Variants in EXOC4 observed in about 807,000 individuals in gnomAD.
EXOC4 encodes the protein exocyst complex component 4, also known as SEC8-like 1.
EXOC4 carries 71 observed loss-of-function variants against 107.2 expected under a neutral mutation model. The observed-to-expected ratio is 0.66, with a 90% confidence interval of 0.55 to 0.81. The LOEUF (loss-of-function observed/expected upper bound fraction) is 0.81. EXOC4 is among the 30% of genes least tolerant of loss of function. EXOC4 has a pLI of 0.00. For missense variants in EXOC4, 1,108 were observed against 1,189.6 expected (o/e 0.93, Z 1.01); for synonymous variants, 456 against 441.2 (o/e 1.03, Z -0.42).
rs1466128962 is a variant in EXOC4, at chr7:133,306,019, C to G, written c.614C>G (p.Thr205Ser). Reference protein sequence around the residue: ...ELHRHLYIKSTSRVVQRNKEK... With the variant: ...ELHRHLYIKSSSRVVQRNKEK... ...CACCGGCACCTGTACATCAAATCGA[C>G]TAGCCGAGTTGTGCAGCGTAACAAG... The change falls in exon 4 of 18, where the codon ACT becomes AGT. Residue 205 changes from threonine (T) to serine (S), a missense_variant. Transcript: ENST00000253861. The G allele has an allele frequency of 8.7e-6, 14 of 1,613,492 alleles. No individual in the cohort carries two copies. The East Asian group carries it at 3.1e-4, about 36-fold the overall frequency.
intron 13 of EXOC4, among the ~76,000 whole-genome samples, chr7:133,923,268 A>C (rs1189172308): frequency 3.3e-5 from 5 of 151,744 alleles, no homozygotes; most frequent in Non-Finnish European, 7.4e-5. Context: ...AGCTGGGATT[A>C]CAGGCACCCA....
intron 9 of EXOC4, among the ~76,000 whole-genome samples, chr7:133,547,698 T>C (rs1800509551): frequency 6.6e-6 from 1 of 152,218 alleles, no homozygotes; most frequent in African/African-American, 2.4e-5. Context: ...TTTCTTTGCT[T>C]GACTATAAAA....
At chr7:133,259,705 T>TG (rs1795099344) in intron 1 of EXOC4, among the ~76,000 whole-genome samples, 3 of 152,246 alleles carry the variant, frequency 2.0e-5, no homozygotes, top group Admixed American at 2.0e-4. Context: ...TTTATCCTCC[T>TG]AAAGTTATTA....
At chr7:133,655,028 G>A (rs908063831) in intron 10 of EXOC4, among the ~76,000 whole-genome samples, 1 of 152,146 alleles carries the variant, frequency 6.6e-6, no homozygotes, top group African/African-American at 2.4e-5. Flanking sequence ...GTGAGTCAGT[G>A]AGTGGTACGT....
intron 7 of EXOC4, among the ~76,000 whole-genome samples, chr7:133,382,126 A>G (rs1563044236): frequency 6.6e-6 from 1 of 152,162 alleles, no homozygotes; most frequent in East Asian, 1.9e-4. Context: ...GGTAGAGACT[A>G]AGACAGGCAA....
chr7:133,601,129 A>G (rs893555211), intron 9 of EXOC4, among the ~76,000 whole-genome samples: 4 of 152,004 alleles, frequency 2.6e-5, no homozygotes, highest in Admixed American at 6.6e-5. Flanking sequence ...GTTGTTTGGC[A>G]TATTCTTTTC....
Position 133,829,069 on chromosome 7 carries a change from G to A in EXOC4, c.1734+11525G>A, listed in dbSNP as rs76677452. Among the ~76,000 whole-genome samples the A allele has an allele frequency of 8.4e-3, 1,277 of 152,294 alleles. 16 individuals are homozygous for A. The highest frequency in any genetic ancestry group is 0.029 in the African/African-American group (1,222 of 41,548). On this transcript the variant is annotated intron_variant, in intron 11 of 17. Coordinates refer to ENST00000253861, the MANE Select transcript of EXOC4 (RefSeq NM_021807.4). ...AGTGGGCCCTGAGTCACTGTAGGAT[G>A]TGTAGAAACGAAGAAGGCAGAGGAG...
chr7:133,831,647 A>G (rs1187784526), intron 11 of EXOC4, among the ~76,000 whole-genome samples: 1 of 151,652 alleles, frequency 6.6e-6, no homozygotes, highest in Non-Finnish European at 1.5e-5. Flanking sequence ...CCAGCCCTAG[A>G]ATCAGCCATT....
intron 10 of EXOC4, among the ~76,000 whole-genome samples, chr7:133,782,274 G>A (rs566447197): frequency 1.3e-5 from 2 of 152,316 alleles, no homozygotes; most frequent in African/African-American, 4.8e-5. Flanking sequence ...AGGGCATGCA[G>A]TCATTCAGGG....
chr7:133,538,565 C>T (rs1800317543), intron 9 of EXOC4, among the ~76,000 whole-genome samples: 1 of 152,016 alleles, frequency 6.6e-6, no homozygotes, highest in Non-Finnish European at 1.5e-5. Flanking sequence ...CCTGTAATCT[C>T]AGTACTATGG....
intron 9 of EXOC4, among the ~76,000 whole-genome samples, chr7:133,537,007 A>G (rs560605194): frequency 6.6e-6 from 1 of 152,328 alleles, no homozygotes; most frequent in South Asian, 2.1e-4. Flanking sequence ...TCCTGTTTCA[A>G]TTATCTACAT....
chr7:133,773,323 G>A (rs1355786948), intron 10 of EXOC4, among the ~76,000 whole-genome samples: 1 of 151,954 alleles, frequency 6.6e-6, no homozygotes, highest in East Asian at 1.9e-4. Context: ...GCCAGAGGAA[G>A]AATTACCTGG....
At position 133,312,034 on chromosome 7, in the gene EXOC4, G is replaced by A. The variant is rs2150575169; in HGVS notation, c.657-5250G>A. 1.3e-5 allele frequency among the ~76,000 whole-genome samples: 2 copies of A among 152,228 alleles called. 1 individual carries two copies. The highest frequency in any genetic ancestry group is 4.1e-4 in the South Asian group (2 of 4,828). On this transcript the variant is annotated intron_variant, in intron 4 of 17. Coordinates refer to ENST00000253861, the MANE Select transcript of EXOC4 (RefSeq NM_021807.4). ...TGGAAAATAAATTTGCATATTCTTT[G>A]TCCAGAGAATTTTGTTTCTAGGTCT...
intron 11 of EXOC4, among the ~76,000 whole-genome samples, chr7:133,867,248 A>G (rs1382212417): frequency 6.6e-6 from 1 of 152,206 alleles, no homozygotes; most frequent in African/African-American, 2.4e-5. Flanking sequence ...TCTTTTGCAA[A>G]ATGGCAGTAA....
At chr7:133,471,243 C>T (rs1349940661) in intron 7 of EXOC4, among the ~76,000 whole-genome samples, 1 of 152,042 alleles carries the variant, frequency 6.6e-6, no homozygotes, top group African/African-American at 2.4e-5. Context: ...GAAACCCAGT[C>T]TCTACTACAA....
chr7:134,021,361 G>A (rs1421968431), intron 17 of EXOC4, among the ~76,000 whole-genome samples: 1 of 152,172 alleles, frequency 6.6e-6, no homozygotes, highest in African/African-American at 2.4e-5. Context: ...CACACGTACA[G>A]GAGAGTAAAA....
At chr7:133,823,861 A>AAAT (rs1216518106) in intron 11 of EXOC4, among the ~76,000 whole-genome samples, 1 of 17,344 alleles carries the variant, frequency 5.8e-5, no homozygotes, top group African/African-American at 6.2e-4. Flanking sequence ...ATATATATAT[A>AAAT]TATATATATA....
At chr7:133,767,670 G>GAA (rs1207444770) in intron 10 of EXOC4, among the ~76,000 whole-genome samples, 5 of 151,982 alleles carry the variant, frequency 3.3e-5, no homozygotes, top group African/African-American at 1.2e-4. Flanking sequence ...GTGAAACAGA[G>GAA]AAAGGGGTAA....
chr7:133,902,795 C>T (rs369034436), intron 12 of EXOC4, among the ~76,000 whole-genome samples: 1 of 151,294 alleles, frequency 6.6e-6, no homozygotes, highest in South Asian at 2.1e-4. Flanking sequence ...GCAGAGGTTG[C>T]AGTGAGCCGA....
Sources: gnomAD v4.1 joint callset for allele counts (sites outside exome capture counted in the v4.1 genomes callset) on GRCh38, gnomAD v4.1.1 for gene constraint, MANE v1.5 for transcripts, NCBI Gene and HGNC (gene_info 2026-07-23, HGNC 2026-07-21) for gene names.